NEK11: variants seen among roughly 807,000 people sequenced by gnomAD.
NEK11 encodes serine/threonine-protein kinase Nek11.
In NEK11, 72 loss-of-function variants were observed where a neutral mutation model predicts 80.7. The ratio of observed to expected loss-of-function variants is 0.89; its 90% CI spans 0.74 to 1.08. The LOEUF (loss-of-function observed/expected upper bound fraction) is 1.08. Among genes scored for constraint, NEK11 ranks in the 50% least tolerant of loss-of-function variants. The probability of loss-of-function intolerance (pLI) is 0.00; values close to 1 mark genes in which losing one functional copy is unlikely to be tolerated. For missense variants in NEK11, 764 were observed against 763.6 expected, an observed-to-expected ratio of 1.00 and a Z score of -0.01; for synonymous variants, 251 against 260.7, an observed-to-expected ratio of 0.96 and a Z score of 0.36.
chr3:131,126,562 A>G (rs1350674965), intron 5 of NEK11, among the ~76,000 whole-genome samples: 2 of 152,176 alleles, frequency 1.3e-5, no homozygotes, highest in African/African-American at 4.8e-5. Context: ...ATTGATGTTA[A>G]GTCACTTTCC....
At chr3:131,176,168 C>A (rs777948909) in intron 14 of NEK11, among the ~76,000 whole-genome samples, 2 of 152,142 alleles carry the variant, frequency 1.3e-5, no homozygotes, top group Non-Finnish European at 2.9e-5. Context: ...CTAAAAGGAC[C>A]TAGTGCTCAC....
At chr3:131,185,567 C>G (rs1022194687) in intron 14 of NEK11, among the ~76,000 whole-genome samples, 1 of 152,148 alleles carries the variant, frequency 6.6e-6, no homozygotes. Context: ...TCCCCAATAT[C>G]TTACAGTTTG....
At chr3:131,258,923 T>C (rs185453786) in intron 16 of NEK11, among the ~76,000 whole-genome samples, 38 of 152,304 alleles carry the variant, frequency 2.5e-4, no homozygotes, top group Admixed American at 1.7e-3. Flanking sequence ...ATGCAAAGCA[T>C]TGTGGTGGAC....
intron 4 of NEK11, among the ~76,000 whole-genome samples, chr3:131,093,406 CAT>C (rs1320085433): frequency 7.1e-6 from 1 of 141,608 alleles, no homozygotes. Flanking sequence ...AAAACCCAAT[CAT>C]GTGGAAAGAA....
chr3:131,149,992 A>G (rs909184892), intron 7 of NEK11, among the ~76,000 whole-genome samples: 1 of 152,038 alleles, frequency 6.6e-6, no homozygotes, highest in Non-Finnish European at 1.5e-5. Context: ...AAGCACCTTA[A>G]CTGCATTCAA....
chr3:131,239,379 A>G (rs1465170829), intron 15 of NEK11, among the ~76,000 whole-genome samples: 6 of 152,168 alleles, frequency 3.9e-5, no homozygotes, highest in African/African-American at 1.4e-4. Flanking sequence ...ACTCTACTCT[A>G]TATATACCTT....
intron 17 of NEK11, among the ~76,000 whole-genome samples, chr3:131,348,907 T>C (rs1223369005): frequency 6.6e-6 from 1 of 152,052 alleles, no homozygotes; most frequent in Non-Finnish European, 1.5e-5. Context: ...GAAAAGGACC[T>C]GGCAAGTGGC....
At chr3:131,203,385 C>T (rs1580105780) in intron 14 of NEK11, among the ~76,000 whole-genome samples, 1 of 142,808 alleles carries the variant, frequency 7.0e-6, no homozygotes, top group Admixed American at 7.4e-5. Context: ...ACAATGAGAA[C>T]ACATGGACAC....
intron 16 of NEK11, among the ~76,000 whole-genome samples, chr3:131,273,238 A>C (rs574551486): frequency 6.6e-6 from 1 of 152,342 alleles, no homozygotes; most frequent in South Asian, 2.1e-4. Flanking sequence ...TTGTTTAAAC[A>C]ATCCTTTGTG....
intron 17 of NEK11, among the ~76,000 whole-genome samples, chr3:131,294,670 A>G (rs779011048): frequency 1.3e-5 from 2 of 152,134 alleles, no homozygotes; most frequent in Admixed American, 1.3e-4. Flanking sequence ...GAAGTCTCCA[A>G]TGATGATAGT....
intron 10 of NEK11, among the ~76,000 whole-genome samples, chr3:131,158,604 G>A (rs1237609421): frequency 6.6e-6 from 1 of 152,154 alleles, no homozygotes; most frequent in African/African-American, 2.4e-5. Context: ...ACAGACCTAT[G>A]CCCACAAGTG....
chr3:131,064,336 A>AT (rs1560229525), intron 3 of NEK11, among the ~76,000 whole-genome samples: 1 of 151,956 alleles, frequency 6.6e-6, no homozygotes, highest in Admixed American at 6.6e-5. Context: ...CAGCAGGGTG[A>AT]TTTTTTTCTG....
chr3:131,248,905 A>G (rs2108244668), intron 16 of NEK11, among the ~76,000 whole-genome samples: 1 of 152,248 alleles, frequency 6.6e-6, no homozygotes, highest in South Asian at 2.1e-4. Flanking sequence ...TTATAAATTG[A>G]ATTTCTATAA....
chr3:131,043,883 A>C (rs978855338), intron 3 of NEK11, among the ~76,000 whole-genome samples: 1 of 152,228 alleles, frequency 6.6e-6, no homozygotes, highest in African/African-American at 2.4e-5. Flanking sequence ...GTTTACCCAC[A>C]AAGGGAAGCC....
rs140427324 is a variant in NEK11 at position 131,091,226 on chromosome 3, G to A, written c.336+10638G>A. 2.0e-5 allele frequency among the ~76,000 whole-genome samples: 3 copies of A among 152,280 alleles called. No homozygotes were observed. The East Asian group carries it at 5.8e-4, about 29-fold the overall frequency. On this transcript the variant is annotated intron_variant, in intron 4 of 17. Coordinates refer to ENST00000383366, the MANE Select transcript of NEK11 (RefSeq NM_024800.5). ...TTCCTGTTGATTTCACATAGCCCTT[G>A]CTTAATGCTAAAAACAGATATCTTT... is the stretch of plus-strand genomic sequence containing the variant.
chr3:131,177,835 C>T (rs958025726), intron 14 of NEK11, among the ~76,000 whole-genome samples: 7 of 152,186 alleles, frequency 4.6e-5, no homozygotes, highest in Non-Finnish European at 7.3e-5. Flanking sequence ...ATATCACTCA[C>T]GTGAATACAG....
At chr3:131,119,192 A>G (rs1256818309) in intron 5 of NEK11, among the ~76,000 whole-genome samples, 2 of 152,190 alleles carry the variant, frequency 1.3e-5, no homozygotes, top group African/African-American at 4.8e-5. Context: ...TTGGTTTCAA[A>G]GAATATCTTT....
chr3:131,176,889 G>A (rs2093049996), intron 14 of NEK11, among the ~76,000 whole-genome samples: 1 of 152,140 alleles, frequency 6.6e-6, no homozygotes, highest in Admixed American at 6.5e-5. Flanking sequence ...TTATACTAAA[G>A]GTCATGCTAA....
At chr3:131,308,266 G>A (rs2096742074) in intron 17 of NEK11, among the ~76,000 whole-genome samples, 1 of 152,144 alleles carries the variant, frequency 6.6e-6, no homozygotes, top group South Asian at 2.1e-4. Context: ...TTTAGTAAGG[G>A]GTTCTGCTGG....
Sources: allele counts gnomAD v4.1 joint callset (sites outside exome capture counted in the v4.1 genomes callset), GRCh38; gene constraint gnomAD v4.1.1; transcripts MANE v1.5; gene names NCBI Gene and HGNC (gene_info 2026-07-23, HGNC 2026-07-21).